SGTB: variants seen among roughly 807,000 people sequenced by gnomAD.
SGTB encodes small glutamine-rich tetratricopeptide repeat-containing protein beta.
Under a neutral mutation model 43.9 loss-of-function variants are expected in SGTB, and 19 were observed. That is an observed-to-expected ratio of 0.43 (90% confidence interval 0.30 to 0.63). The LOEUF (loss-of-function observed/expected upper bound fraction) is 0.63, where lower values mean the gene tolerates loss of function less well. Among genes scored for constraint, SGTB ranks in the 30% least tolerant of loss-of-function variants. The pLI is 0.12. For missense variants in SGTB, 304 were observed against 358.9 expected (o/e 0.85, Z 1.24); for synonymous variants, 116 against 117.3 (o/e 0.99, Z 0.07).
chr5:65,677,602 G>A (rs1457475126), intron 8 of SGTB, among the ~76,000 whole-genome samples: 1 of 152,054 alleles, frequency 6.6e-6, no homozygotes, highest in Admixed American at 6.5e-5. Context: ...CAAAATACTG[G>A]CAAACTGAAT....
At position 65,669,752 on chromosome 5, in the gene SGTB, T is replaced by A. The variant is rs894490965; in HGVS notation, c.*494A>T. 2 of 153,068 alleles carry A rather than the reference T, an allele frequency of 1.3e-5. No individual in the cohort carries two copies. Among genetic ancestry groups the A allele is most frequent in the Non-Finnish European group, 1.5e-5 (1 of 68,336 alleles). The allele number at this position is 153,068 out of a possible 1,614,324, so 9.5% of individuals were successfully genotyped here. A position where few individuals can be genotyped will look rare whatever the true frequency, so the allele number is the denominator to read the frequency against. On this transcript the variant is annotated 3_prime_UTR_variant, in exon 11 of 11. Coordinates refer to ENST00000381007, the MANE Select transcript of SGTB (RefSeq NM_019072.3). ...CATTACTAATAGCACTTATCAAAGC[T>A]AAACCTAGATAATATTCCTTCTTTC...
chr5:65,716,212 G>C (rs1355112669), intron 2 of SGTB, among the ~76,000 whole-genome samples: 1 of 152,238 alleles, frequency 6.6e-6, no homozygotes, highest in Non-Finnish European at 1.5e-5. Flanking sequence ...AAAGCCCTTA[G>C]GCAAGAGGAT....
chr5:65,688,963 C>T (rs1483480660), intron 5 of SGTB, among the ~76,000 whole-genome samples: 7 of 152,148 alleles, frequency 4.6e-5, no homozygotes, highest in Admixed American at 4.6e-4. Flanking sequence ...GCGCCCGCCA[C>T]CACGCCCAGC....
rs1757163559 is a variant in SGTB, at chr5:65,671,900, T to G, written c.803+15A>C. ...AAAATACATCTTCACTATTTCTGTTTTAAATAATACTTACGCTTGGATGAG... is the reference window on the plus strand; with the variant it reads ...AAAATACATCTTCACTATTTCTGTTGTAAATAATACTTACGCTTGGATGAG... On this transcript the variant is annotated intron_variant, in intron 10 of 10. Transcript: ENST00000381007. 3 of 1,611,488 alleles carry G rather than the reference T, an allele frequency of 1.9e-6. No individual in the cohort carries two copies. In the East Asian group the frequency reaches 6.7e-5, roughly 36 times the overall value.
intron 5 of SGTB, among the ~76,000 whole-genome samples, chr5:65,696,360 T>C (rs1257412156): frequency 6.6e-6 from 1 of 152,180 alleles, no homozygotes; most frequent in African/African-American, 2.4e-5. Flanking sequence ...AGCACTGAAG[T>C]ACAAAAGAAA....
intron 4 of SGTB, among the ~76,000 whole-genome samples, chr5:65,705,702 TAAGC>T (rs1757919946): frequency 6.6e-6 from 1 of 152,032 alleles, no homozygotes; most frequent in African/African-American, 2.4e-5. Flanking sequence ...TGACTGCTAA[TAAGC>T]ACATGGTTTT....
At chr5:65,681,235 G>A (rs575097218) in intron 6 of SGTB, among the ~76,000 whole-genome samples, 4 of 152,054 alleles carry the variant, frequency 2.6e-5, no homozygotes. Context: ...CTTCCTAACA[G>A]AGGAACAATT....
At chr5:65,674,578 G>C (rs772359697) in intron 8 of SGTB, among the ~76,000 whole-genome samples, 2 of 152,160 alleles carry the variant, frequency 1.3e-5, no homozygotes, top group Admixed American at 1.3e-4. Flanking sequence ...TTCATATAGG[G>C]AGCCCTAAAA....
intron 3 of SGTB, among the ~76,000 whole-genome samples, chr5:65,712,330 C>G (rs901189749): frequency 1.3e-5 from 2 of 152,174 alleles, no homozygotes; most frequent in Non-Finnish European, 2.9e-5. Context: ...GAGCCCTAAA[C>G]TCCCTAAACT....
At chr5:65,685,620 G>A (rs971912591) in intron 5 of SGTB, 148 bp from the exon 6 acceptor site, 1 of 577,044 alleles carries the variant, frequency 1.7e-6, no homozygotes, top group Non-Finnish European at 3.0e-6. Flanking sequence ...AGATAATTAT[G>A]TAATAAAATG....
intron 5 of SGTB, among the ~76,000 whole-genome samples, chr5:65,688,467 C>A (rs373359847): frequency 1.3e-5 from 2 of 152,052 alleles, no homozygotes; most frequent in African/African-American, 4.8e-5. Context: ...CAGAAACATG[C>A]AAGAAGGGTA....
chr5:65,698,665 C>T (rs973744495), intron 5 of SGTB, among the ~76,000 whole-genome samples: 2 of 152,080 alleles, frequency 1.3e-5, no homozygotes, highest in Non-Finnish European at 2.9e-5. Flanking sequence ...CCAGAATCTA[C>T]AAGAAACTCA....
chr5:65,689,447 T>C (rs1351336607), intron 5 of SGTB, among the ~76,000 whole-genome samples: 1 of 152,158 alleles, frequency 6.6e-6, no homozygotes, highest in African/African-American at 2.4e-5. Context: ...ATCTTTCAAC[T>C]CAAAGTTTCC....
At chr5:65,700,670 G>C (rs1757796522) in intron 5 of SGTB, among the ~76,000 whole-genome samples, 1 of 132,666 alleles carries the variant, frequency 7.5e-6, no homozygotes, top group Non-Finnish European at 1.6e-5. Flanking sequence ...GACAGAGTGA[G>C]ACTCTGTCTC....
chr5:65,667,549 T>G lies in SGTB; in HGVS notation c.*2697A>C, dbSNP rs374160268. Reference sequence around the variant, plus strand: ...AATCAAAGTTGGCTTAGATGGAATATGAATTTAACTTCTGAGGGCCGAAGA... The same window carrying G: ...AATCAAAGTTGGCTTAGATGGAATAGGAATTTAACTTCTGAGGGCCGAAGA... On this transcript the variant is annotated 3_prime_UTR_variant, in exon 11 of 11. Coordinates refer to ENST00000381007, the MANE Select transcript of SGTB (RefSeq NM_019072.3). 4 of 152,348 alleles carry G rather than the reference T, an allele frequency of 2.6e-5. No homozygotes were observed. The highest frequency in any genetic ancestry group is 9.6e-5 in the African/African-American group (4 of 41,576). The allele number at this position is 152,348 out of a possible 1,614,324, so 9.4% of individuals were successfully genotyped here.
chr5:65,715,008 T>C (rs956657103), intron 2 of SGTB, among the ~76,000 whole-genome samples: 7 of 152,344 alleles, frequency 4.6e-5, no homozygotes, highest in Middle Eastern at 3.4e-3. Flanking sequence ...AAAAGTTGGA[T>C]TTGAGAAATT....
chr5:65,686,437 A>G (rs1340795306), intron 5 of SGTB, among the ~76,000 whole-genome samples: 1 of 151,410 alleles, frequency 6.6e-6, no homozygotes, highest in African/African-American at 2.4e-5. Flanking sequence ...CAAGTCTCTG[A>G]CCTCATGTTC....
At chr5:65,681,407 T>A (rs1310156465) in intron 6 of SGTB, among the ~76,000 whole-genome samples, 1 of 152,218 alleles carries the variant, frequency 6.6e-6, no homozygotes, top group East Asian at 1.9e-4. Context: ...TACCTAGTTA[T>A]AATTTACTTA....
At chr5:65,686,938 A>C (rs557069276) in intron 5 of SGTB, among the ~76,000 whole-genome samples, 1 of 152,314 alleles carries the variant, frequency 6.6e-6, no homozygotes, top group South Asian at 2.1e-4. Flanking sequence ...TCTATATCAC[A>C]TCCAGCTTAT....
Sources: allele counts gnomAD v4.1 joint callset (sites outside exome capture counted in the v4.1 genomes callset), GRCh38; gene constraint gnomAD v4.1.1; transcripts MANE v1.5; gene names NCBI Gene and HGNC (gene_info 2026-07-23, HGNC 2026-07-21).